The following GRIN3A variants were observed in gnomAD, a reference collection of about 807,000 sequenced individuals.
The protein encoded by GRIN3A is glutamate ionotropic receptor NMDA type subunit 3A.
Under a neutral mutation model 92.4 loss-of-function variants are expected in GRIN3A, and 47 were observed. The ratio of observed to expected loss-of-function variants is 0.51; its 90% CI spans 0.40 to 0.65. The LOEUF (loss-of-function observed/expected upper bound fraction) is 0.65. GRIN3A is among the 30% of genes least tolerant of loss of function. GRIN3A has a pLI of 0.00. For missense variants in GRIN3A, 1,324 were observed against 1,393.1 expected (o/e 0.95, Z 0.79); for synonymous variants, 527 against 540.6 (o/e 0.97, Z 0.35).
chr9:101,634,326 C>A (rs1331442208), intron 3 of GRIN3A, among the ~76,000 whole-genome samples: 11 of 117,958 alleles, frequency 9.3e-5, no homozygotes, highest in African/African-American at 3.3e-4. Flanking sequence ...GAGTGAGACT[C>A]CGTCTCAAAA....
intron 3 of GRIN3A, among the ~76,000 whole-genome samples, chr9:101,642,532 G>T (rs1828880168): frequency 6.6e-6 from 1 of 152,094 alleles, no homozygotes; most frequent in Non-Finnish European, 1.5e-5. Context: ...TCAACAAAAT[G>T]AAAGGGCAAC....
In GRIN3A at chr9:101,738,574, C is replaced by G. The variant is rs528331581; in HGVS notation, c.-595G>C. ...ATTTTCTCTCTTCTCTCGCTACTTCCTCTCTGCCTTTCTTTCGTTATTTTT... is the reference window on the plus strand; with the variant it reads ...ATTTTCTCTCTTCTCTCGCTACTTCGTCTCTGCCTTTCTTTCGTTATTTTT... On this transcript the variant is annotated 5_prime_UTR_variant, in exon 1 of 9. Coordinates refer to ENST00000361820, the MANE Select transcript of GRIN3A (RefSeq NM_133445.3). 1.3e-5 allele frequency: 2 copies of G among 154,494 alleles called. No individual in the cohort carries two copies. The highest frequency in any genetic ancestry group is 2.4e-5 in the African/African-American group (1 of 41,498). The allele number at this position is 154,494 out of a possible 1,614,324, so 9.6% of individuals were successfully genotyped here.
chr9:101,624,893 T>G (rs994179457), intron 4 of GRIN3A, among the ~76,000 whole-genome samples: 1 of 152,184 alleles, frequency 6.6e-6, no homozygotes, highest in African/African-American at 2.4e-5. Context: ...TTAAAAAGTC[T>G]GGACTATCAT....
chr9:101,716,953 C>T (rs1829955143), intron 1 of GRIN3A, among the ~76,000 whole-genome samples: 1 of 152,154 alleles, frequency 6.6e-6, no homozygotes, highest in Non-Finnish European at 1.5e-5. Context: ...TGGCTGGCTG[C>T]TGTAGAAAGG....
chr9:101,573,239 GC>G lies in GRIN3A; in HGVS notation c.3282del (p.Gln1094HisfsTer4). The G allele has an allele frequency of 6.2e-7, 1 of 1,614,124 alleles. No individual in the cohort carries two copies. Among genetic ancestry groups the G allele is most frequent in the Non-Finnish European group, 8.5e-7 (1 of 1,179,980 alleles). On this transcript the variant is annotated frameshift_variant, in exon 9 of 9. Transcript: ENST00000361820. LOFTEE classifies it high-confidence loss of function. ...AGCTCCGTTTTCCTGCTCACAGCCA[GC>G]TGCAGCTCCTGACGGATCACCTGAA... is the stretch of plus-strand genomic sequence containing the variant. ...KQIQVIRQEL[Q>X]LAVSRKTELE...
intron 1 of GRIN3A, among the ~76,000 whole-genome samples, chr9:101,695,127 G>C (rs1319579724): frequency 6.6e-6 from 1 of 152,182 alleles, no homozygotes; most frequent in Non-Finnish European, 1.5e-5. Flanking sequence ...CATCAGTACA[G>C]TCATACCCAG....
intron 3 of GRIN3A, among the ~76,000 whole-genome samples, chr9:101,668,184 G>A (rs893395234): frequency 2.6e-5 from 4 of 152,062 alleles, no homozygotes; most frequent in Admixed American, 6.6e-5. Context: ...GCTGCGTATA[G>A]CTTGTCTTTA....
intron 2 of GRIN3A, among the ~76,000 whole-genome samples, chr9:101,672,125 C>T (rs1436005628): frequency 1.3e-5 from 2 of 152,140 alleles, no homozygotes; most frequent in African/African-American, 4.8e-5. Flanking sequence ...ATCAGATCCA[C>T]CCCCATTTGA....
At chr9:101,580,086 A>G (rs1239448387) in intron 6 of GRIN3A, among the ~76,000 whole-genome samples, 4 of 152,198 alleles carry the variant, frequency 2.6e-5, no homozygotes, top group Non-Finnish European at 5.9e-5. Flanking sequence ...TCAACTGCAC[A>G]TGTGCATGTA....
intron 1 of GRIN3A, among the ~76,000 whole-genome samples, chr9:101,692,536 A>G (rs969756949): frequency 6.6e-6 from 1 of 152,204 alleles, no homozygotes; most frequent in African/African-American, 2.4e-5. Flanking sequence ...AAAAGATGCA[A>G]TTCTCTCAGC....
At chr9:101,640,065 A>G (rs867533186) in intron 3 of GRIN3A, among the ~76,000 whole-genome samples, 4 of 152,192 alleles carry the variant, frequency 2.6e-5, no homozygotes, top group African/African-American at 7.2e-5. Context: ...ATTCAGGCAT[A>G]TATTCTGAAT....
At chr9:101,635,879 CTTTA>C (rs1023887768) in intron 3 of GRIN3A, among the ~76,000 whole-genome samples, 8 of 152,118 alleles carry the variant, frequency 5.3e-5, no homozygotes, top group South Asian at 2.1e-4. Flanking sequence ...CACCTACTCA[CTTTA>C]TTTATTTGTT....
chr9:101,637,337 C>T (rs541522065), intron 3 of GRIN3A, among the ~76,000 whole-genome samples: 1 of 152,258 alleles, frequency 6.6e-6, no homozygotes, highest in South Asian at 2.1e-4. Context: ...TCGTGATCCA[C>T]CCGCCTCGGC....
At chr9:101,635,383 G>C (rs1828772210) in intron 3 of GRIN3A, among the ~76,000 whole-genome samples, 1 of 152,106 alleles carries the variant, frequency 6.6e-6, no homozygotes, top group African/African-American at 2.4e-5. Flanking sequence ...CAACAGTAGA[G>C]GTGAGTAAGT....
At chr9:101,576,351 T>C (rs897701724) in intron 8 of GRIN3A, among the ~76,000 whole-genome samples, 2 of 152,066 alleles carry the variant, frequency 1.3e-5, no homozygotes, top group Non-Finnish European at 2.9e-5. Context: ...TGTATAGAGG[T>C]AGGCACAGGA....
chr9:101,625,920 A>G (rs1450885576), intron 4 of GRIN3A, among the ~76,000 whole-genome samples: 2 of 152,264 alleles, frequency 1.3e-5, no homozygotes, highest in African/African-American at 2.4e-5. Flanking sequence ...TTTTAAAACC[A>G]GTAATTCATG....
chr9:101,711,709 A>C (rs1476722520), intron 1 of GRIN3A, among the ~76,000 whole-genome samples: 4 of 152,110 alleles, frequency 2.6e-5, no homozygotes, highest in Admixed American at 2.0e-4. Context: ...GCAGTGGCGG[A>C]ATCTAGTGCT....
chr9:101,731,474 A>G (rs1020849312), intron 1 of GRIN3A, among the ~76,000 whole-genome samples: 5 of 152,334 alleles, frequency 3.3e-5, no homozygotes, highest in African/African-American at 1.2e-4. Context: ...CTATGCTTCA[A>G]ATGAATAACG....
At chr9:101,646,009 C>A (rs746489397) in intron 3 of GRIN3A, among the ~76,000 whole-genome samples, 1 of 151,572 alleles carries the variant, frequency 6.6e-6, no homozygotes, top group African/African-American at 2.4e-5. Context: ...CAAATATTTT[C>A]TCTTATTTTG....
Sources: allele counts gnomAD v4.1 joint callset (sites outside exome capture counted in the v4.1 genomes callset), GRCh38; gene constraint gnomAD v4.1.1; transcripts MANE v1.5; gene names NCBI Gene and HGNC (gene_info 2026-07-23, HGNC 2026-07-21).